The following C10orf143 variants were observed in gnomAD, a reference collection of about 807,000 sequenced individuals.
C10orf143 encodes uncharacterized protein C10orf143.
intron 1 of C10orf143, among the ~76,000 whole-genome samples, chr10:130,095,740 A>T (rs977688815): frequency 6.6e-6 from 1 of 152,154 alleles, no homozygotes; most frequent in Non-Finnish European, 1.5e-5. Flanking sequence ...GCTAAGCCAT[A>T]TGCAGAAAAC....
chr10:130,073,759 C>T (rs1446086197), intron 3 of C10orf143, among the ~76,000 whole-genome samples: 1 of 152,044 alleles, frequency 6.6e-6, no homozygotes, highest in Admixed American at 6.6e-5. Context: ...CCCCTCAGCT[C>T]CTTCAGTGCC....
chr10:130,041,891 C>A (rs1400096828), intron 3 of C10orf143, among the ~76,000 whole-genome samples: 1 of 152,214 alleles, frequency 6.6e-6, no homozygotes, highest in Non-Finnish European at 1.5e-5. Context: ...GTAACACACA[C>A]ACACACACAT....
At position 130,108,510 on chromosome 10, in the gene C10orf143, C is replaced by T. The variant is rs187316073; in HGVS notation, c.69+2194G>A. ...TGACTGATCTCATTTCAAGTAACTG[C>T]TGTTACTTAAGTGATTACACTTTTG... On this transcript the variant is annotated intron_variant, in intron 1 of 3. Transcript: ENST00000637128. 4.9e-5 allele frequency: 34 copies of T among 697,526 alleles called. No homozygotes were observed. In the African/African-American group the frequency reaches 5.5e-4, roughly 11 times the overall value. The allele number at this position is 697,526 out of a possible 1,614,324, so 43.2% of individuals were successfully genotyped here.
At chr10:130,043,255 T>C (rs1200353226) in intron 3 of C10orf143, among the ~76,000 whole-genome samples, 2 of 152,134 alleles carry the variant, frequency 1.3e-5, no homozygotes, top group Non-Finnish European at 2.9e-5. Flanking sequence ...GGCAAAAAAT[T>C]GATCATCATT....
chr10:130,076,924 A>G (rs1861127722), intron 3 of C10orf143, among the ~76,000 whole-genome samples: 1 of 152,144 alleles, frequency 6.6e-6, no homozygotes, highest in Admixed American at 6.5e-5. Context: ...CATGACAGGG[A>G]GAGCAAGCAG....
At chr10:130,087,469 T>C (rs1861309038) in intron 1 of C10orf143, among the ~76,000 whole-genome samples, 1 of 152,126 alleles carries the variant, frequency 6.6e-6, no homozygotes, top group African/African-American at 2.4e-5. Context: ...ATAGACGCTG[T>C]TTCAAACGAT....
intron 3 of C10orf143, among the ~76,000 whole-genome samples, chr10:130,047,799 TCTC>T (rs1219381163): frequency 6.6e-6 from 1 of 152,050 alleles, no homozygotes; most frequent in East Asian, 1.9e-4. Context: ...AACCCAGGTT[TCTC>T]CTCCTCCCAT....
chr10:130,107,973 T>G (rs2134824800), intron 1 of C10orf143: 1 of 1,517,982 alleles, frequency 6.6e-7, no homozygotes, highest in East Asian at 2.3e-5. Context: ...AGTTTTAATA[T>G]GCCTCCTTTG....
intron 1 of C10orf143, among the ~76,000 whole-genome samples, chr10:130,103,414 CAGG>C (rs1408086765): frequency 6.6e-6 from 1 of 152,108 alleles, no homozygotes; most frequent in African/African-American, 2.4e-5. Flanking sequence ...CACTTGAACC[CAGG>C]AGGCAGAGGT....
At chr10:130,084,111 C>G (rs772501231) in intron 1 of C10orf143, among the ~76,000 whole-genome samples, 1 of 152,030 alleles carries the variant, frequency 6.6e-6, no homozygotes, top group Non-Finnish European at 1.5e-5. Context: ...GAATTTGAGA[C>G]TAGCCTGGCC....
At position 130,083,281 on chromosome 10, in the gene C10orf143, T is replaced by C. The variant is rs76320330; in HGVS notation, c.70-3380A>G. ...TTGTAGAATGTGGTGTAGCCCCTGT[T>C]GGTGAGGCTGCAGGAAAACAGGCAC... On this transcript the variant is annotated intron_variant, in intron 1 of 3. Transcript: ENST00000637128. 4.4e-3 allele frequency among the ~76,000 whole-genome samples: 673 copies of C among 152,330 alleles called. 4 individuals are homozygous for C. Among genetic ancestry groups the C allele is most frequent in the African/African-American group, 0.015 (644 of 41,566 alleles).
chr10:130,097,178 G>C (rs1275930204), intron 1 of C10orf143, among the ~76,000 whole-genome samples: 1 of 151,908 alleles, frequency 6.6e-6, no homozygotes, highest in East Asian at 1.9e-4. Context: ...TTTTTTAAAG[G>C]GGCAAAAGAT....
chr10:130,041,378 G>C (rs1860605281), intron 3 of C10orf143, among the ~76,000 whole-genome samples: 2 of 152,174 alleles, frequency 1.3e-5, no homozygotes, highest in Non-Finnish European at 2.9e-5. Context: ...AGGAGGCCAT[G>C]ATGGACCAAA....
chr10:130,097,351 A>C (rs968520134), intron 1 of C10orf143, among the ~76,000 whole-genome samples: 6 of 152,074 alleles, frequency 3.9e-5, no homozygotes, highest in African/African-American at 7.2e-5. Context: ...CCAGGGTTTG[A>C]GACCAGCCTG....
At chr10:130,059,929 T>C (rs146645718), downstream of C10orf143, among the ~76,000 whole-genome samples, 16 of 152,300 alleles carry the variant, frequency 1.1e-4, no homozygotes, top group Admixed American at 9.8e-4. Context: ...TTACTGTAAA[T>C]TGTGTGTTAG....
chr10:130,038,970 G>A (rs761544150), intron 3 of C10orf143, among the ~76,000 whole-genome samples: 7 of 152,136 alleles, frequency 4.6e-5, no homozygotes, highest in Admixed American at 1.3e-4. Context: ...AATGTGTGGA[G>A]CCACCGCTCT....
rs374346480 is a variant in C10orf143, at chr10:130,042,452, G to A, written c.298-6482C>T. On this transcript the variant is annotated intron_variant and NMD_transcript_variant, in intron 3 of 5. Coordinates refer to the C10orf143 transcript ENST00000643056. ...AAACATTGTGATCGATTTCACCATC[G>A]TTTTCTCAAACGGTCTCAGTCCTGG... 3.9e-5 allele frequency among the ~76,000 whole-genome samples: 6 copies of A among 152,370 alleles called. No individual in the cohort carries two copies. In the South Asian group the frequency reaches 1.2e-3, roughly 32 times the overall value.
At chr10:130,105,110 TAG>T (rs906581778) in intron 1 of C10orf143, 2 of 152,140 alleles carry the variant, frequency 1.3e-5, no homozygotes, top group African/African-American at 4.8e-5. Context: ...GTATTTTTAG[TAG>T]AGACAGGGTT....
Position 130,065,695 on chromosome 10 carries a change from T to G in C10orf143, c.298-1312A>C, listed in dbSNP as rs1425136672. On this transcript the variant is annotated intron_variant, in intron 3 of 3. Coordinates refer to ENST00000637128, the MANE Select transcript of C10orf143 (RefSeq NM_001355042.2). The surrounding 1 kb of genome is among the most constrained non-coding windows in gnomAD (Gnocchi z 4.2). ...GACATTTTGGAAACCAGTTTCTTCA[T>G]GCAATTCTCGAGGTCTTTCACAGTC... The G allele has an allele frequency of 1.3e-5, 2 of 152,262 alleles. No homozygotes were observed. The highest frequency in any genetic ancestry group is 2.9e-5 in the Non-Finnish European group (2 of 68,052). 9.4% of individuals were successfully genotyped at this position (152,262 alleles called of 1,614,324 possible).
Sources: gnomAD v4.1 joint callset for allele counts (sites outside exome capture counted in the v4.1 genomes callset) on GRCh38, gnomAD v4.1.1 for gene constraint, Gnocchi (gnomAD v3.1) non-coding constraint, MANE v1.5 for transcripts, NCBI Gene and HGNC (gene_info 2026-07-23, HGNC 2026-07-21) for gene names.